The following NOSTRIN variants were observed in gnomAD, a reference collection of about 807,000 sequenced individuals.
NOSTRIN encodes the protein BM247 homolog.
Under a neutral mutation model 59.0 loss-of-function variants are expected in NOSTRIN, and 63 were observed. The ratio of observed to expected loss-of-function variants is 1.07; its 90% CI spans 0.87 to 1.32. The LOEUF (loss-of-function observed/expected upper bound fraction) is 1.32. Among genes scored for constraint, NOSTRIN ranks in the 40% most tolerant of loss-of-function variants. The pLI is 0.00. For synonymous variants in NOSTRIN, 200 were observed against 165.4 expected (o/e 1.21, Z -1.61); for missense variants, 512 against 473.1 (o/e 1.08, Z -0.76).
intron 12 of NOSTRIN, among the ~76,000 whole-genome samples, chr2:168,858,572 TAGA>T (rs1270232494): frequency 2.0e-5 from 3 of 152,322 alleles, no homozygotes; most frequent in East Asian, 1.9e-4. Context: ...GAGGGCCACA[TAGA>T]AGAAGAACTA....
intron 1 of NOSTRIN, among the ~76,000 whole-genome samples, chr2:168,803,459 A>G (rs369243630): frequency 1.5e-4 from 23 of 152,206 alleles, no homozygotes; most frequent in African/African-American, 4.8e-4. Context: ...TCCTTCATGT[A>G]TTGATAACAC....
intron 2 of NOSTRIN, among the ~76,000 whole-genome samples, chr2:168,817,493 A>G (rs1349498518): frequency 6.6e-6 from 1 of 152,214 alleles, no homozygotes; most frequent in Non-Finnish European, 1.5e-5. Context: ...TATATGATAC[A>G]GTGGAATTCT....
rs2105797257 is a variant in NOSTRIN at position 168,862,003 on chromosome 2, G to A, written c.1338G>A (p.Leu446=). The change falls in exon 15 of 16, where the codon TTG becomes TTA. Residue 446 remains leucine, a synonymous_variant. Transcript: ENST00000317647. The stretch of plus-strand genomic sequence containing the variant: ...TCAGCAGCAGACTTTGCAAGGCCTT[G>A]TATTCTTTTCAAGCCAGGCAAGATG... ...AQLSSRLCKA[L]YSFQARQDDE... The A allele has an allele frequency of 6.2e-7, 1 of 1,614,188 alleles. No individual in the cohort carries two copies. Among genetic ancestry groups the A allele is most frequent in the South Asian group, 1.1e-5 (1 of 91,086 alleles).
intron 8 of NOSTRIN, among the ~76,000 whole-genome samples, chr2:168,849,501 G>T (rs370395080): frequency 2.0e-5 from 3 of 151,724 alleles, no homozygotes; most frequent in Non-Finnish European, 4.4e-5. Context: ...GACGACAGGC[G>T]CCCGCCACCA....
At chr2:168,817,894 G>A (rs142264804) in intron 2 of NOSTRIN, among the ~76,000 whole-genome samples, 8 of 152,280 alleles carry the variant, frequency 5.3e-5, no homozygotes, top group Admixed American at 2.6e-4. Flanking sequence ...TCAAGTTGCC[G>A]GTAATGAACT....
chr2:168,863,370 G>A (rs1363132898), intron 15 of NOSTRIN: 1 of 979,960 alleles, frequency 1.0e-6, no homozygotes, highest in Non-Finnish European at 1.2e-6. Context: ...AATTTCCTTT[G>A]TCTTAGAAAG....
chr2:168,815,392 G>A (rs1461125970), intron 2 of NOSTRIN, among the ~76,000 whole-genome samples: 1 of 152,136 alleles, frequency 6.6e-6, no homozygotes, highest in African/African-American at 2.4e-5. Flanking sequence ...AGAGACAAAG[G>A]TACATTCTCA....
At chr2:168,857,730 T>G (rs11898734) in intron 12 of NOSTRIN, among the ~76,000 whole-genome samples, 8,372 of 152,260 alleles carry the variant, frequency 0.055, 734 homozygotes, top group African/African-American at 0.18. Context: ...AGGAGATAAA[T>G]TTTTTAGCAA....
chr2:168,787,025 G>C (rs1574242779), intron 1 of NOSTRIN: 1 of 152,088 alleles, frequency 6.6e-6, no homozygotes, highest in Non-Finnish European at 1.5e-5. Flanking sequence ...CACCACACCC[G>C]GCCCCAAATT....
At chr2:168,824,499 A>G in intron 2 of NOSTRIN, 135 bp from the exon 3 acceptor site, 1 of 568,466 alleles carries the variant, frequency 1.8e-6, no homozygotes, top group South Asian at 2.0e-5. Flanking sequence ...GGGTTTCACC[A>G]TGTTGGCCAG....
chr2:168,851,652 A>G (rs1353910889), intron 10 of NOSTRIN, among the ~76,000 whole-genome samples: 3 of 152,210 alleles, frequency 2.0e-5, no homozygotes, highest in Non-Finnish European at 2.9e-5. Flanking sequence ...TCGGTCTTCT[A>G]TAAAAGTAGT....
In NOSTRIN at chr2:168,859,903, A is replaced by T. The variant is rs1689338550; in HGVS notation, c.1179+266A>T. Among the ~76,000 whole-genome samples the T allele has an allele frequency of 2.0e-5, 3 of 152,248 alleles. 1 individual carries two copies. In the South Asian group the frequency reaches 6.2e-4, roughly 32 times the overall value. On this transcript the variant is annotated intron_variant, in intron 13 of 15. Coordinates refer to ENST00000317647, the MANE Select transcript of NOSTRIN (RefSeq NM_001039724.4). ...TTCTTTCTCATCATACCTGAATTTC[A>T]TCCTTTGGATGTGCTTTTACAGTAA...
chr2:168,862,859 A>G (rs945846996), intron 15 of NOSTRIN, among the ~76,000 whole-genome samples: 1 of 152,238 alleles, frequency 6.6e-6, no homozygotes, highest in African/African-American at 2.4e-5. Flanking sequence ...TGGGAGAAAG[A>G]ATATTATCCA....
chr2:168,823,918 A>G (rs1247003774), intron 2 of NOSTRIN, among the ~76,000 whole-genome samples: 1 of 152,170 alleles, frequency 6.6e-6, no homozygotes, highest in African/African-American at 2.4e-5. Context: ...TCTACTAAAA[A>G]TACAAAATTA....
chr2:168,832,350 A>G (rs982942959), intron 6 of NOSTRIN, among the ~76,000 whole-genome samples: 1 of 152,236 alleles, frequency 6.6e-6, no homozygotes, highest in Non-Finnish European at 1.5e-5. Flanking sequence ...ACAATGTAGT[A>G]TAGGAGGAAT....
At chr2:168,853,594 C>T (rs1688900112) in intron 10 of NOSTRIN, among the ~76,000 whole-genome samples, 1 of 152,194 alleles carries the variant, frequency 6.6e-6, no homozygotes, top group South Asian at 2.1e-4. Flanking sequence ...CCAGACAAAC[C>T]AAGGGAAGCC....
chr2:168,794,500 C>T (rs1034544352), upstream of NOSTRIN, among the ~76,000 whole-genome samples: 26 of 151,928 alleles, frequency 1.7e-4, no homozygotes, highest in African/African-American at 2.2e-4. Flanking sequence ...TACAGGTGCC[C>T]GCCACCGCGC....
At chr2:168,821,659 C>T (rs1056825461) in intron 2 of NOSTRIN, among the ~76,000 whole-genome samples, 4 of 152,138 alleles carry the variant, frequency 2.6e-5, no homozygotes, top group Admixed American at 6.5e-5. Flanking sequence ...CTTTTTTAGA[C>T]GGGGCAAACC....
At chr2:168,827,172 C>A (rs1205854198) in intron 3 of NOSTRIN, among the ~76,000 whole-genome samples, 1 of 152,210 alleles carries the variant, frequency 6.6e-6, no homozygotes, top group Non-Finnish European at 1.5e-5. Flanking sequence ...ACACAGGCCT[C>A]TGTACCTGGG....
Sources: allele counts gnomAD v4.1 joint callset (sites outside exome capture counted in the v4.1 genomes callset), GRCh38; gene constraint gnomAD v4.1.1; transcripts MANE v1.5; gene names NCBI Gene and HGNC (gene_info 2026-07-23, HGNC 2026-07-21).